The following TSHZ2 variants were observed in gnomAD, a reference collection of about 807,000 sequenced individuals.
TSHZ2 encodes teashirt homolog 2.
TSHZ2 carries 21 observed loss-of-function variants against 74.4 expected under a neutral mutation model. The observed-to-expected ratio is 0.28, with a 90% confidence interval of 0.20 to 0.41. TSHZ2 has a LOEUF of 0.41. Ranked by LOEUF, TSHZ2 falls within the 10% of genes least tolerant of loss-of-function variation. TSHZ2 has a pLI of 1.00. For synonymous variants in TSHZ2, 540 were observed against 515.3 expected (o/e 1.05, Z -0.65); for missense variants, 1,244 against 1,293.5 (o/e 0.96, Z 0.59).
chr20:53,433,770 A>G (rs761355978), intron 2 of TSHZ2, among the ~76,000 whole-genome samples: 2 of 152,178 alleles, frequency 1.3e-5, no homozygotes, highest in Non-Finnish European at 2.9e-5. Context: ...GTAACCAGCA[A>G]TTGACTGGAA....
At chr20:53,176,025 C>T (rs1988328983) in intron 1 of TSHZ2, among the ~76,000 whole-genome samples, 1 of 152,198 alleles carries the variant, frequency 6.6e-6, no homozygotes, top group Admixed American at 6.5e-5. Context: ...TGAGTGTGCA[C>T]ACACCCCTTT....
chr20:53,224,119 A>G (rs918550507), intron 1 of TSHZ2, among the ~76,000 whole-genome samples: 1 of 152,222 alleles, frequency 6.6e-6, no homozygotes, highest in African/African-American at 2.4e-5. Flanking sequence ...TGATCTCAGA[A>G]GAAAAAGTTG....
At chr20:53,230,019 AAAG>A (rs541213437) in intron 1 of TSHZ2, among the ~76,000 whole-genome samples, 58 of 141,298 alleles carry the variant, frequency 4.1e-4, no homozygotes, top group African/African-American at 1.4e-3. Flanking sequence ...GGAAGGGAAA[AAAG>A]AGAAGGAAGG....
chr20:53,318,889 G>T (rs1455641539), intron 2 of TSHZ2, among the ~76,000 whole-genome samples: 1 of 152,132 alleles, frequency 6.6e-6, no homozygotes. Flanking sequence ...GTTCCACATG[G>T]CTGGAAAGGC....
intron 2 of TSHZ2, among the ~76,000 whole-genome samples, chr20:53,263,458 G>T (rs1180832803): frequency 6.6e-6 from 1 of 152,206 alleles, no homozygotes; most frequent in East Asian, 1.9e-4. Flanking sequence ...GGCCGTCACG[G>T]GGAAGCTAGG....
chr20:53,059,974 G>C (rs1984767715), intron 1 of TSHZ2, among the ~76,000 whole-genome samples: 1 of 152,170 alleles, frequency 6.6e-6, no homozygotes, highest in Non-Finnish European at 1.5e-5. Context: ...GCAGCCAAAG[G>C]CCGAGGGTTT....
intron 2 of TSHZ2, among the ~76,000 whole-genome samples, chr20:53,453,349 G>T (rs973795132): frequency 6.6e-6 from 1 of 152,126 alleles, no homozygotes; most frequent in Non-Finnish European, 1.5e-5. Context: ...TTTTCTCTAC[G>T]AACACATTGT....
chr20:53,053,117 G>C (rs1443616236), intron 1 of TSHZ2, among the ~76,000 whole-genome samples: 1 of 152,096 alleles, frequency 6.6e-6, no homozygotes, highest in Non-Finnish European at 1.5e-5. Flanking sequence ...CCTGTTTGGG[G>C]CCTTTCATAT....
chr20:53,299,646 C>G (rs1321718144), intron 2 of TSHZ2, among the ~76,000 whole-genome samples: 4 of 152,204 alleles, frequency 2.6e-5, no homozygotes, highest in Non-Finnish European at 5.9e-5. Flanking sequence ...ATGTACAGAG[C>G]TCCACAGATA....
At chr20:53,199,878 T>C (rs1425422173) in intron 1 of TSHZ2, among the ~76,000 whole-genome samples, 2 of 152,162 alleles carry the variant, frequency 1.3e-5, no homozygotes, top group Non-Finnish European at 2.9e-5. Context: ...GGATGTGCAG[T>C]GGTTTCTATG....
At chr20:53,105,997 A>G (rs1432443035) in intron 1 of TSHZ2, among the ~76,000 whole-genome samples, 3 of 152,198 alleles carry the variant, frequency 2.0e-5, no homozygotes, top group African/African-American at 7.2e-5. Context: ...TTTATGGGGT[A>G]CGATGTGACG....
At chr20:53,423,769 G>A (rs73913759) in intron 2 of TSHZ2, among the ~76,000 whole-genome samples, 5,463 of 152,300 alleles carry the variant, frequency 0.036, 293 homozygotes, top group African/African-American at 0.12. Flanking sequence ...TGATGCTTCA[G>A]GATAGTCAAC....
At chr20:53,479,747 A>G (rs919843220) in intron 2 of TSHZ2, among the ~76,000 whole-genome samples, 3 of 152,222 alleles carry the variant, frequency 2.0e-5, no homozygotes, top group Admixed American at 1.3e-4. Flanking sequence ...GGCATTTGAC[A>G]GTGTCTAGAC....
At chr20:53,033,408 C>G (rs897970993) in intron 1 of TSHZ2, among the ~76,000 whole-genome samples, 1 of 152,034 alleles carries the variant, frequency 6.6e-6, no homozygotes, top group Non-Finnish European at 1.5e-5. Flanking sequence ...TGGGGAAAAG[C>G]GAACATAAGC....
intron 1 of TSHZ2, among the ~76,000 whole-genome samples, chr20:53,065,493 C>T (rs971040402): frequency 1.3e-5 from 2 of 152,144 alleles, no homozygotes; most frequent in Non-Finnish European, 2.9e-5. Context: ...TATTCAAATC[C>T]CAAGGCACCC....
At chr20:53,187,398 CTG>C (rs1988626158) in intron 1 of TSHZ2, among the ~76,000 whole-genome samples, 1 of 152,194 alleles carries the variant, frequency 6.6e-6, no homozygotes, top group Non-Finnish European at 1.5e-5. Flanking sequence ...GGAGAGGTGT[CTG>C]TGTTTAAAGC....
chr20:53,430,532 G>A (rs372763209), intron 2 of TSHZ2, among the ~76,000 whole-genome samples: 3 of 151,660 alleles, frequency 2.0e-5, no homozygotes, highest in Admixed American at 6.6e-5. Context: ...TTATATGTGA[G>A]AGAAAGAAGT....
intron 1 of TSHZ2, among the ~76,000 whole-genome samples, chr20:53,176,931 C>T (rs989033686): frequency 5.3e-5 from 8 of 152,218 alleles, no homozygotes; most frequent in East Asian, 1.9e-4. Context: ...GTGATCCACC[C>T]GCTTCGGCCT....
intron 1 of TSHZ2, among the ~76,000 whole-genome samples, chr20:53,216,764 T>G (rs1306040423): frequency 6.6e-6 from 1 of 152,196 alleles, no homozygotes; most frequent in African/African-American, 2.4e-5. Context: ...CAATCCTCTT[T>G]CCCCTTAATC....
Sources: allele counts gnomAD v4.1 joint callset (sites outside exome capture counted in the v4.1 genomes callset), GRCh38; gene constraint gnomAD v4.1.1; transcripts MANE v1.5; gene names NCBI Gene and HGNC (gene_info 2026-07-23, HGNC 2026-07-21).